Variants in PIP5K1B observed in about 807,000 individuals in gnomAD.
PIP5K1B encodes the protein phosphatidylinositol-4-phosphate 5-kinase type 1 beta.
A neutral mutation model predicts 67.0 loss-of-function variants in PIP5K1B; 42 were observed. The ratio of observed to expected loss-of-function variants is 0.63; its 90% CI spans 0.49 to 0.81. The LOEUF is 0.81. PIP5K1B is among the 30% of genes least tolerant of loss of function. The probability of loss-of-function intolerance (pLI) is 0.00; values close to 1 mark genes in which losing one functional copy is unlikely to be tolerated. For missense variants in PIP5K1B, 459 were observed against 646.3 expected, an observed-to-expected ratio of 0.71 and a Z score of 3.14; for synonymous variants, 214 against 231.4, an observed-to-expected ratio of 0.92 and a Z score of 0.68.
At chr9:68,983,711 T>C (rs1261623437) in intron 14 of PIP5K1B, among the ~76,000 whole-genome samples, 2 of 152,204 alleles carry the variant, frequency 1.3e-5, no homozygotes, top group Non-Finnish European at 2.9e-5. Flanking sequence ...GTGTGGCTTG[T>C]TGCAAATTGT....
At chr9:68,962,395 T>G (rs1187082036) in intron 14 of PIP5K1B, among the ~76,000 whole-genome samples, 1 of 152,210 alleles carries the variant, frequency 6.6e-6, no homozygotes, top group Non-Finnish European at 1.5e-5. Flanking sequence ...ATAAGACTTA[T>G]GATTAGCTGT....
chr9:68,910,431 T>C lies in PIP5K1B; in HGVS notation c.772-7117T>C, dbSNP rs186173860. Among the ~76,000 whole-genome samples the C allele has an allele frequency of 3.9e-5, 6 of 152,342 alleles. No homozygotes were observed. The East Asian group carries it at 9.6e-4, about 24-fold the overall frequency. On this transcript the variant is annotated intron_variant, in intron 8 of 15. Transcript: ENST00000265382. ...TTGTTCATGGGCATTGTAATCATGA[T>C]GCACAGGTATCAAGTTCTTATATTT...
chr9:68,930,216 A>G (rs1363138478), intron 12 of PIP5K1B, among the ~76,000 whole-genome samples: 1 of 152,064 alleles, frequency 6.6e-6, no homozygotes, highest in Non-Finnish European at 1.5e-5. Context: ...CTGTTCTCCC[A>G]AGGGTTCAGT....
chr9:68,869,043 T>C (rs771794980), intron 5 of PIP5K1B, among the ~76,000 whole-genome samples: 8 of 152,218 alleles, frequency 5.3e-5, no homozygotes, highest in Non-Finnish European at 1.2e-4. Context: ...CCTCATATCA[T>C]CACTCAATGT....
At chr9:68,816,930 G>A (rs1470852771) in intron 2 of PIP5K1B, among the ~76,000 whole-genome samples, 1 of 152,178 alleles carries the variant, frequency 6.6e-6, no homozygotes, top group Non-Finnish European at 1.5e-5. Context: ...AAAATTGGCA[G>A]ATTTGACTGT....
At chr9:68,813,000 A>G (rs1376805156) in intron 2 of PIP5K1B, among the ~76,000 whole-genome samples, 1 of 152,240 alleles carries the variant, frequency 6.6e-6, no homozygotes, top group Non-Finnish European at 1.5e-5. Flanking sequence ...CATCAGACTA[A>G]CATGAAACTA....
chr9:68,969,180 A>G (rs751179672), intron 14 of PIP5K1B, among the ~76,000 whole-genome samples: 10 of 152,174 alleles, frequency 6.6e-5, no homozygotes, highest in Non-Finnish European at 1.3e-4. Flanking sequence ...CATCCTGGCT[A>G]ACACAGTGAA....
chr9:68,748,421 A>AT (rs1829434093), intron 2 of PIP5K1B, among the ~76,000 whole-genome samples: 1 of 152,152 alleles, frequency 6.6e-6, no homozygotes, highest in African/African-American at 2.4e-5. Context: ...AATTTGCTGC[A>AT]TTTTACTTTA....
At chr9:68,860,433 T>C (rs1265110824) in intron 4 of PIP5K1B, among the ~76,000 whole-genome samples, 1 of 152,240 alleles carries the variant, frequency 6.6e-6, no homozygotes, top group Non-Finnish European at 1.5e-5. Flanking sequence ...ATGGTGTTTG[T>C]ACAGCTTTAC....
At chr9:68,893,784 T>G (rs566718995) in intron 7 of PIP5K1B, among the ~76,000 whole-genome samples, 1 of 152,288 alleles carries the variant, frequency 6.6e-6, no homozygotes, top group East Asian at 1.9e-4. Context: ...TTAAGGTGAC[T>G]AAAAATACAT....
At chr9:68,757,472 T>C (rs1829982184) in intron 2 of PIP5K1B, among the ~76,000 whole-genome samples, 1 of 151,996 alleles carries the variant, frequency 6.6e-6, no homozygotes, top group Non-Finnish European at 1.5e-5. Context: ...GGCTTCATTA[T>C]GTTAAAAAAA....
chr9:68,713,391 C>T (rs1827485877), intron 1 of PIP5K1B, among the ~76,000 whole-genome samples: 1 of 152,156 alleles, frequency 6.6e-6, no homozygotes. Context: ...AAGAGTGAAA[C>T]TCCGACTCAA....
chr9:68,758,335 C>T (rs1454859102), intron 2 of PIP5K1B, among the ~76,000 whole-genome samples: 1 of 152,114 alleles, frequency 6.6e-6, no homozygotes, highest in Non-Finnish European at 1.5e-5. Context: ...ACTTTTAAAG[C>T]AGCTCTTACA....
chr9:68,895,684 C>T (rs976805001), intron 8 of PIP5K1B, among the ~76,000 whole-genome samples: 1 of 151,288 alleles, frequency 6.6e-6, no homozygotes, highest in Non-Finnish European at 1.5e-5. Context: ...TGATTGTGCA[C>T]AAAAATGTGT....
intron 14 of PIP5K1B, among the ~76,000 whole-genome samples, chr9:68,943,894 G>C (rs1360834455): frequency 6.6e-6 from 1 of 152,132 alleles, no homozygotes; most frequent in Non-Finnish European, 1.5e-5. Flanking sequence ...TTAGTGCCTG[G>C]ATGCCTCCAC....
intron 15 of PIP5K1B, among the ~76,000 whole-genome samples, chr9:69,000,507 A>C (rs1219032815): frequency 6.6e-6 from 1 of 152,168 alleles, no homozygotes; most frequent in Non-Finnish European, 1.5e-5. Context: ...GTTCAAGATC[A>C]AGGTGTTGGC....
chr9:68,802,332 C>G (rs1832642172), intron 2 of PIP5K1B, among the ~76,000 whole-genome samples: 1 of 152,192 alleles, frequency 6.6e-6, no homozygotes, highest in Non-Finnish European at 1.5e-5. Context: ...CCTTTCTGAA[C>G]TCAAGGTAGC....
At chr9:69,007,070 C>A (rs997636285) in intron 15 of PIP5K1B, among the ~76,000 whole-genome samples, 1 of 152,138 alleles carries the variant, frequency 6.6e-6, no homozygotes, top group African/African-American at 2.4e-5. Context: ...TGAGTAACAG[C>A]GTGACCATGT....
chr9:68,867,458 C>T lies in PIP5K1B; in HGVS notation c.200+3491C>T, dbSNP rs755110120. The stretch of plus-strand genomic sequence containing the variant: ...TCGTGGATTTAGCAAAGGGATTTGG[C>T]CCAGTGTTTCTCAATGGAGGTGCTA... On this transcript the variant is annotated intron_variant, in intron 5 of 15. Coordinates refer to ENST00000265382, the MANE Select transcript of PIP5K1B (RefSeq NM_003558.4). Among the ~76,000 whole-genome samples, 43 of 152,322 alleles carry T rather than the reference C, an allele frequency of 2.8e-4. 1 individual carries two copies. The highest frequency in any genetic ancestry group is 2.7e-3 in the South Asian group (13 of 4,826).
Sources: allele counts gnomAD v4.1 joint callset (sites outside exome capture counted in the v4.1 genomes callset), GRCh38; gene constraint gnomAD v4.1.1; transcripts MANE v1.5; gene names NCBI Gene and HGNC (gene_info 2026-07-23, HGNC 2026-07-21).